Variants in ABCC1 observed in about 807,000 individuals in gnomAD.
The protein encoded by ABCC1 is multidrug resistance-associated protein 1.
In ABCC1, 83 loss-of-function variants were observed where a neutral mutation model predicts 172.9. The observed-to-expected ratio is 0.48, with a 90% CI of 0.40 to 0.58. ABCC1 has a LOEUF of 0.58. Among genes scored for constraint, ABCC1 ranks in the 20% least tolerant of loss-of-function variants. The pLI, the probability that ABCC1 is intolerant of heterozygous loss-of-function variation, is 0.00. For synonymous variants in ABCC1, 937 were observed against 825.2 expected (o/e 1.14, Z -2.32); for missense variants, 1,817 against 2,002.7 (o/e 0.91, Z 1.77).
At chr16:16,130,453 G>T (rs1187277036) in intron 26 of ABCC1, among the ~76,000 whole-genome samples, 1 of 152,070 alleles carries the variant, frequency 6.6e-6, no homozygotes, top group Non-Finnish European at 1.5e-5. Flanking sequence ...ACTCACTGCA[G>T]TGTGAGGAAC....
chr16:15,949,637 G>A lies in ABCC1; in HGVS notation c.-115G>A, dbSNP rs1216194867. On this transcript the variant is annotated 5_prime_UTR_variant, in exon 1 of 31. Transcript: ENST00000399410. ...CGCCGCCGCCGCCGCCGCCGCCAGCGCTAGCGCCAGCAGCCGGGCCCGATC... is the reference window on the plus strand; with the variant it reads ...CGCCGCCGCCGCCGCCGCCGCCAGCACTAGCGCCAGCAGCCGGGCCCGATC... 2.8e-6 allele frequency: 2 copies of A among 710,158 alleles called. No homozygotes were observed. Among genetic ancestry groups the A allele is most frequent in the East Asian group, 1.3e-4 (1 of 7,602 alleles). The allele number at this position is 710,158 out of a possible 1,614,324, so 44.0% of individuals were successfully genotyped here.
At chr16:16,052,872 A>G in intron 11 of ABCC1, 56 bp downstream of exon 11, 1 of 1,556,612 alleles carries the variant, frequency 6.4e-7, no homozygotes, top group East Asian at 2.2e-5. Flanking sequence ...AGGCCTCTCC[A>G]TGAGGATTTT....
intron 1 of ABCC1, among the ~76,000 whole-genome samples, chr16:15,996,087 C>T (rs1280618875): frequency 6.7e-6 from 1 of 149,198 alleles, no homozygotes; most frequent in Admixed American, 6.8e-5. Context: ...TGGGTTCAAG[C>T]GATTCTCCTG....
At chr16:16,084,390 GTC>G (rs1260422012) in intron 17 of ABCC1, among the ~76,000 whole-genome samples, 1 of 146,160 alleles carries the variant, frequency 6.8e-6, no homozygotes, top group Non-Finnish European at 1.5e-5. Context: ...TTGAAATGGA[GTC>G]TCTCTCTGTC....
chr16:15,976,064 G>A (rs1014166999), intron 1 of ABCC1, among the ~76,000 whole-genome samples: 4 of 151,824 alleles, frequency 2.6e-5, no homozygotes, highest in East Asian at 2.0e-4. Context: ...TCAGGAGTTC[G>A]AGACCAGCCT....
At chr16:16,047,481 C>T (rs904135012) in intron 9 of ABCC1, among the ~76,000 whole-genome samples, 4 of 152,030 alleles carry the variant, frequency 2.6e-5, no homozygotes, top group Non-Finnish European at 2.9e-5. Context: ...TTAAAACTCA[C>T]GAGGTGATAG....
intron 1 of ABCC1, among the ~76,000 whole-genome samples, chr16:15,969,068 G>A (rs2046311303): frequency 6.6e-6 from 1 of 151,956 alleles, no homozygotes; most frequent in African/African-American, 2.4e-5. Context: ...ATTAACTGTG[G>A]TGGCGCTTGC....
chr16:16,067,696 C>A (rs1016443498), intron 12 of ABCC1, among the ~76,000 whole-genome samples: 1 of 152,086 alleles, frequency 6.6e-6, no homozygotes, highest in African/African-American at 2.4e-5. Context: ...GTGCTGAGAC[C>A]CTGAAAATAC....
At chr16:16,039,886 G>T (rs1027232602) in intron 7 of ABCC1, among the ~76,000 whole-genome samples, 7 of 152,066 alleles carry the variant, frequency 4.6e-5, no homozygotes, top group Admixed American at 2.6e-4. Context: ...TGCATCAGGG[G>T]GCTTGTGTGG....
At position 16,136,639 on chromosome 16, in the gene ABCC1, C is replaced by T; in HGVS notation, c.4287C>T (p.Asn1429=). 1 of 1,613,932 alleles carries T rather than the reference C, an allele frequency of 6.2e-7. No homozygotes were observed. The highest frequency in any genetic ancestry group is 8.5e-7 in the Non-Finnish European group (1 of 1,179,946). Residue 1429 remains asparagine, a synonymous_variant, in exon 29 of 31, where the codon AAC becomes AAT. Coordinates refer to ENST00000399410, the MANE Select transcript of ABCC1 (RefSeq NM_004996.4). ...LDHECAEGGE[N]LSVGQRQLVC... ...ATGAATGTGCAGAAGGCGGGGAGAA[C>T]CTCAGGTAGGCGGGGGTGAACAAGG...
chr16:16,056,797 C>T (rs769155609), intron 12 of ABCC1, among the ~76,000 whole-genome samples: 3 of 149,380 alleles, frequency 2.0e-5, no homozygotes, highest in Admixed American at 6.7e-5. Flanking sequence ...TGTGTAGGAA[C>T]CGTTCGTTAT....
chr16:16,034,023 CTTTT>C (rs10580146), intron 6 of ABCC1, among the ~76,000 whole-genome samples: 5 of 86,828 alleles, frequency 5.8e-5, no homozygotes, highest in Non-Finnish European at 8.4e-5. Flanking sequence ...TAAGCATCAT[CTTTT>C]TTTTTTTTTT....
intron 11 of ABCC1, among the ~76,000 whole-genome samples, chr16:16,054,211 A>G (rs1317754912): frequency 6.6e-6 from 1 of 151,914 alleles, no homozygotes; most frequent in Non-Finnish European, 1.5e-5. Context: ...CTGACCTCAG[A>G]TGATCCACCC....
intron 30 of ABCC1, 142 bp downstream of exon 30, chr16:16,138,700 G>A (rs2046011544): frequency 2.0e-6 from 1 of 502,204 alleles, no homozygotes; most frequent in Non-Finnish European, 3.2e-6. Flanking sequence ...CATCCTGGAT[G>A]GTACCAGCTA....
At chr16:15,974,625 A>T (rs1299920824) in intron 1 of ABCC1, among the ~76,000 whole-genome samples, 1 of 152,204 alleles carries the variant, frequency 6.6e-6, no homozygotes, top group Non-Finnish European at 1.5e-5. Flanking sequence ...GCCAGTATTT[A>T]TGACATACTT....
At chr16:15,970,819 C>T (rs2046352675) in intron 1 of ABCC1, among the ~76,000 whole-genome samples, 1 of 152,024 alleles carries the variant, frequency 6.6e-6, no homozygotes, top group African/African-American at 2.4e-5. Context: ...GGTTTCAAAC[C>T]CCTGAGCTCA....
intron 19 of ABCC1, among the ~76,000 whole-genome samples, chr16:16,092,426 T>C (rs2051291645): frequency 1.3e-5 from 2 of 152,192 alleles, no homozygotes. Context: ...ACCACTAATC[T>C]TTCTGTCTCT....
At chr16:16,019,902 T>G (rs1020272278) in intron 5 of ABCC1, among the ~76,000 whole-genome samples, 1 of 152,170 alleles carries the variant, frequency 6.6e-6, no homozygotes, top group African/African-American at 2.4e-5. Flanking sequence ...CCTGTGTCAC[T>G]GCTGGTCTTC....
At chr16:15,950,751 C>A (rs1567269645) in intron 1 of ABCC1, among the ~76,000 whole-genome samples, 1 of 152,186 alleles carries the variant, frequency 6.6e-6, no homozygotes, top group Non-Finnish European at 1.5e-5. Context: ...CTGGACACGA[C>A]TGTTTCTCTC....
Sources: gnomAD v4.1 joint callset for allele counts (sites outside exome capture counted in the v4.1 genomes callset) on GRCh38, gnomAD v4.1.1 for gene constraint, MANE v1.5 for transcripts, NCBI Gene and HGNC (gene_info 2026-07-23, HGNC 2026-07-21) for gene names.